LRRC4C: variants seen among roughly 807,000 people sequenced by gnomAD.
LRRC4C encodes the protein leucine-rich repeat-containing protein 4C.
In LRRC4C, 5 loss-of-function variants were observed where a neutral mutation model predicts 33.6. That is an observed-to-expected ratio of 0.15 (90% CI 0.08 to 0.31). LRRC4C has a LOEUF of 0.31. Among genes scored for constraint, LRRC4C ranks in the 10% least tolerant of loss-of-function variants. The probability of loss-of-function intolerance (pLI) is 1.00; values close to 1 mark genes in which losing one functional copy is unlikely to be tolerated. For synonymous variants in LRRC4C, 329 were observed against 302.0 expected (o/e 1.09, Z -0.93); for missense variants, 560 against 796.7 (o/e 0.70, Z 3.58).
intron 2 of LRRC4C, among the ~76,000 whole-genome samples, chr11:40,887,959 T>C (rs1354196961): frequency 6.6e-6 from 1 of 151,934 alleles, no homozygotes; most frequent in Non-Finnish European, 1.5e-5. Flanking sequence ...TCTTCAAACA[T>C]GTAAAAGTTT....
intron 1 of LRRC4C, among the ~76,000 whole-genome samples, chr11:40,988,752 G>T (rs1252530592): frequency 1.5e-5 from 2 of 129,256 alleles, no homozygotes; most frequent in Non-Finnish European, 3.1e-5. Flanking sequence ...AGTGTCGTTA[G>T]GTCGCCCAGG....
chr11:41,092,195 G>C (rs898089972), intron 1 of LRRC4C, among the ~76,000 whole-genome samples: 1 of 151,792 alleles, frequency 6.6e-6, no homozygotes, highest in African/African-American at 2.4e-5. Flanking sequence ...TTATGATAAA[G>C]GTTATTTTAT....
At chr11:40,300,391 A>G (rs895993351) in intron 4 of LRRC4C, among the ~76,000 whole-genome samples, 8 of 152,356 alleles carry the variant, frequency 5.3e-5, no homozygotes, top group African/African-American at 1.9e-4. Context: ...TGGCAGCCAG[A>G]GGACAAAGAA....
At chr11:40,343,302 A>C (rs1305579336) in intron 3 of LRRC4C, among the ~76,000 whole-genome samples, 1 of 152,064 alleles carries the variant, frequency 6.6e-6, no homozygotes, top group Non-Finnish European at 1.5e-5. Context: ...AAATTACTTG[A>C]CATCTGTATG....
chr11:41,041,506 G>C (rs1857433819), intron 1 of LRRC4C, among the ~76,000 whole-genome samples: 1 of 151,886 alleles, frequency 6.6e-6, no homozygotes, highest in African/African-American at 2.4e-5. Context: ...CTGTAATAAT[G>C]AAGTAGACTT....
chr11:40,265,779 A>C (rs2136295750), intron 4 of LRRC4C, among the ~76,000 whole-genome samples: 1 of 152,372 alleles, frequency 6.6e-6, no homozygotes, highest in East Asian at 1.9e-4. Flanking sequence ...ATACATAAAT[A>C]AATCATTAAA....
intron 1 of LRRC4C, among the ~76,000 whole-genome samples, chr11:41,266,203 T>C (rs1426316795): frequency 6.6e-6 from 1 of 152,096 alleles, no homozygotes; most frequent in African/African-American, 2.4e-5. Context: ...CATGGAAATT[T>C]GATCAAATAA....
At chr11:41,334,087 C>G (rs1951376709) in intron 1 of LRRC4C, among the ~76,000 whole-genome samples, 1 of 152,162 alleles carries the variant, frequency 6.6e-6, no homozygotes. Flanking sequence ...AGATGTGCAG[C>G]TAGAAGGTTA....
chr11:41,122,858 C>T lies in LRRC4C; in HGVS notation c.-495-189135G>A, dbSNP rs1325103465. 2.0e-5 allele frequency: 3 copies of T among 151,930 alleles called. No individual in the cohort carries two copies. In the East Asian group the frequency reaches 5.8e-4, roughly 29 times the overall value. The allele number at this position is 151,930 out of a possible 1,614,324, so 9.4% of individuals were successfully genotyped here. A position where few individuals can be genotyped will look rare whatever the true frequency, so the allele number is the denominator to read the frequency against. ...ATTTCATGGGTTTCAGAAAATGATGCTTTTGTTATACTAAACAATTTATTT... is the reference window on the plus strand; with the variant it reads ...ATTTCATGGGTTTCAGAAAATGATGTTTTTGTTATACTAAACAATTTATTT... On this transcript the variant is annotated intron_variant, in intron 1 of 6. Transcript: ENST00000528697.
chr11:41,340,895 T>C (rs1303155790), intron 1 of LRRC4C, among the ~76,000 whole-genome samples: 1 of 152,222 alleles, frequency 6.6e-6, no homozygotes, highest in Non-Finnish European at 1.5e-5. Context: ...AAGTCGAAAC[T>C]GTGCAATTCA....
intron 1 of LRRC4C, among the ~76,000 whole-genome samples, chr11:41,197,426 A>G (rs1946226496): frequency 6.6e-6 from 1 of 151,992 alleles, no homozygotes; most frequent in Non-Finnish European, 1.5e-5. Context: ...GGGAAATAAC[A>G]AGAAAGGAAA....
Position 40,984,321 on chromosome 11 carries a change from GAAAA to G in LRRC4C, c.-495-50602_-495-50599del, listed in dbSNP as rs755429751. On this transcript the variant is annotated intron_variant, in intron 1 of 6. Transcript: ENST00000528697. ...AGAGAGAGAAGGAAAGAAAGAAAAA[GAAAA>G]GAAAGAAAGAAAGAAAGTAGGAAAG... 1.7e-4 allele frequency among the ~76,000 whole-genome samples: 20 copies of G among 117,852 alleles called. 1 individual carries two copies. The highest frequency in any genetic ancestry group is 1.0e-3 in the East Asian group (4 of 3,976). The allele number at this position is 117,852 out of a possible 152,430, so 77.3% of individuals were successfully genotyped here.
Position 40,773,122 on chromosome 11 carries a change from T to C in LRRC4C, c.-406-124844A>G, listed in dbSNP as rs145515725. ...GCACAGAAAGACAAAATTTGCATGCTCTAATTTGTGAGAGCTAAAAATTCA... is the reference window on the plus strand; with the variant it reads ...GCACAGAAAGACAAAATTTGCATGCCCTAATTTGTGAGAGCTAAAAATTCA... On this transcript the variant is annotated intron_variant, in intron 2 of 6. Transcript: ENST00000528697. Among the ~76,000 whole-genome samples, 205 of 152,224 alleles carry C rather than the reference T, an allele frequency of 1.3e-3. 5 individuals carry two copies. The East Asian group carries it at 0.035, about 26-fold the overall frequency.
chr11:40,221,997 G>A (rs1352988960), intron 5 of LRRC4C, among the ~76,000 whole-genome samples: 1 of 151,810 alleles, frequency 6.6e-6, no homozygotes, highest in East Asian at 1.9e-4. Context: ...TTTTGTCTGC[G>A]GCTCGTCCTG....
At chr11:40,584,584 T>C (rs1958625505) in intron 3 of LRRC4C, among the ~76,000 whole-genome samples, 1 of 152,014 alleles carries the variant, frequency 6.6e-6, no homozygotes, top group African/African-American at 2.4e-5. Flanking sequence ...AGAAATAAAC[T>C]GGCACACAGT....
chr11:40,713,605 G>A (rs1039976159), intron 2 of LRRC4C, among the ~76,000 whole-genome samples: 4 of 152,110 alleles, frequency 2.6e-5, no homozygotes, highest in Non-Finnish European at 4.4e-5. Context: ...TGAAATATAC[G>A]TGTAAATAAT....
rs575916770 is a variant in LRRC4C at position 40,612,287 on chromosome 11, A to G, written c.-270+35855T>C. On this transcript the variant is annotated intron_variant, in intron 3 of 6. Coordinates refer to ENST00000528697, the MANE Select transcript of LRRC4C (RefSeq NM_001258419.2). ...TTACGCAAATTGAAATAAGCCAGTCACAGAAGGACAAATACCACAAGACCA... is the reference window on the plus strand; with the variant it reads ...TTACGCAAATTGAAATAAGCCAGTCGCAGAAGGACAAATACCACAAGACCA... Among the ~76,000 whole-genome samples the G allele has an allele frequency of 1.6e-4, 24 of 152,046 alleles. No individual in the cohort carries two copies. The South Asian group carries it at 4.1e-3, about 26-fold the overall frequency.
At chr11:40,334,624 C>G (rs533165410) in intron 3 of LRRC4C, among the ~76,000 whole-genome samples, 20 of 152,232 alleles carry the variant, frequency 1.3e-4, no homozygotes, top group African/African-American at 4.8e-4. Flanking sequence ...CTGTAGAGTA[C>G]TGAAGTCACC....
chr11:41,160,219 A>T (rs566655903), intron 1 of LRRC4C, among the ~76,000 whole-genome samples: 2 of 152,178 alleles, frequency 1.3e-5, no homozygotes, highest in South Asian at 4.2e-4. Flanking sequence ...AATATAGAAC[A>T]TATGGCTGGA....
Sources: gnomAD v4.1 joint callset for allele counts (sites outside exome capture counted in the v4.1 genomes callset) on GRCh38, gnomAD v4.1.1 for gene constraint, MANE v1.5 for transcripts, NCBI Gene and HGNC (gene_info 2026-07-23, HGNC 2026-07-21) for gene names.